Variants in LRMDA observed in about 807,000 individuals in gnomAD.
The protein encoded by LRMDA is leucine-rich melanocyte differentiation-associated protein.
LRMDA carries 18 observed loss-of-function variants against 29.8 expected under a neutral mutation model. The ratio of observed to expected loss-of-function variants is 0.60; its 90% CI spans 0.42 to 0.90. LRMDA has a LOEUF of 0.90. Ranked by LOEUF, LRMDA falls within the 40% of genes least tolerant of loss-of-function variation. LRMDA has a pLI of 0.00. For synonymous variants in LRMDA, 125 were observed against 109.4 expected (o/e 1.14, Z -0.89); for missense variants, 273 against 273.9 (o/e 1.00, Z 0.02).
chr10:75,472,715 A>G (rs1229156299), intron 2 of LRMDA, among the ~76,000 whole-genome samples: 4 of 152,228 alleles, frequency 2.6e-5, no homozygotes, highest in African/African-American at 9.6e-5. Flanking sequence ...TTCATTTCAA[A>G]GAGTGATCTC....
At chr10:75,612,440 T>C (rs1589135210) in intron 2 of LRMDA, among the ~76,000 whole-genome samples, 2 of 152,250 alleles carry the variant, frequency 1.3e-5, no homozygotes, top group South Asian at 4.1e-4. Flanking sequence ...CTATAATACT[T>C]GAATGATCTT....
In LRMDA at chr10:75,503,934, A is replaced by T. The variant is rs191872944; in HGVS notation, c.131+65440A>T. ...AGCCACATACCAGATAATAAGGGGTATTAATGAAGCATAAGGAATTGAAGA... is the reference window on the plus strand; with the variant it reads ...AGCCACATACCAGATAATAAGGGGTTTTAATGAAGCATAAGGAATTGAAGA... On this transcript the variant is annotated intron_variant, in intron 2 of 6. Coordinates refer to ENST00000611255, the MANE Select transcript of LRMDA (RefSeq NM_001305581.2). Among the ~76,000 whole-genome samples, 104 of 152,138 alleles carry T rather than the reference A, an allele frequency of 6.8e-4. 1 individual carries two copies. The highest frequency in any genetic ancestry group is 2.5e-3 in the African/African-American group (102 of 41,502).
At chr10:76,269,112 G>A (rs533881939) in intron 5 of LRMDA, among the ~76,000 whole-genome samples, 70 of 152,192 alleles carry the variant, frequency 4.6e-4, no homozygotes, top group Non-Finnish European at 6.5e-4. Context: ...CGGGGTCGTA[G>A]TTCATGGGCC....
intron 6 of LRMDA, among the ~76,000 whole-genome samples, chr10:76,327,938 A>G (rs1840856518): frequency 6.6e-6 from 1 of 152,194 alleles, no homozygotes; most frequent in East Asian, 1.9e-4. Context: ...TGGCGGTTTG[A>G]CGGTAGGGAA....
intron 2 of LRMDA, among the ~76,000 whole-genome samples, chr10:75,572,339 CTT>C (rs1257556868): frequency 1.4e-5 from 2 of 145,828 alleles, no homozygotes; most frequent in African/African-American, 2.5e-5. Flanking sequence ...TCTTTTTCAG[CTT>C]TTTTTTTTTT....
At chr10:75,631,636 C>T (rs138510704) in intron 2 of LRMDA, among the ~76,000 whole-genome samples, 223 of 152,196 alleles carry the variant, frequency 1.5e-3, no homozygotes, top group African/African-American at 4.9e-3. Context: ...CCTCTCCTGA[C>T]TTTGATTTCT....
At chr10:76,290,712 GCC>G (rs1840330042) in intron 5 of LRMDA, among the ~76,000 whole-genome samples, 1 of 152,134 alleles carries the variant, frequency 6.6e-6, no homozygotes, top group Non-Finnish European at 1.5e-5. Context: ...CTGAGCCACT[GCC>G]CTCAGACTCT....
intron 6 of LRMDA, among the ~76,000 whole-genome samples, chr10:76,519,056 C>T (rs1391426981): frequency 6.6e-6 from 1 of 152,062 alleles, no homozygotes; most frequent in Non-Finnish European, 1.5e-5. Flanking sequence ...CATGTGTAAT[C>T]CCAGCACTTT....
intron 6 of LRMDA, among the ~76,000 whole-genome samples, chr10:76,546,152 T>C (rs1843418807): frequency 6.6e-6 from 1 of 152,240 alleles, no homozygotes; most frequent in Non-Finnish European, 1.5e-5. Context: ...CTGAGATCTT[T>C]TCATCTATTC....
intron 2 of LRMDA, among the ~76,000 whole-genome samples, chr10:75,770,236 A>G (rs1344720529): frequency 1.3e-5 from 2 of 152,176 alleles, no homozygotes; most frequent in East Asian, 3.9e-4. Context: ...GGTGGCATTG[A>G]GTTCTGATCT....
intron 2 of LRMDA, among the ~76,000 whole-genome samples, chr10:75,707,913 C>T (rs892823756): frequency 6.6e-6 from 1 of 152,158 alleles, no homozygotes; most frequent in African/African-American, 2.4e-5. Context: ...ACTTTGCTGC[C>T]TCTCGGTCAG....
intron 1 of LRMDA, among the ~76,000 whole-genome samples, chr10:75,432,146 T>C (rs1243209425): frequency 6.6e-6 from 1 of 152,260 alleles, no homozygotes; most frequent in Admixed American, 6.5e-5. Context: ...ATAAATCACA[T>C]TGATATAGTC....
intron 2 of LRMDA, among the ~76,000 whole-genome samples, chr10:75,952,533 T>G (rs1376343293): frequency 6.6e-6 from 1 of 152,122 alleles, no homozygotes; most frequent in Non-Finnish European, 1.5e-5. Context: ...CAAAGAATAT[T>G]GGAACGATTT....
chr10:75,572,919 GA>G (rs1840455383), intron 2 of LRMDA, among the ~76,000 whole-genome samples: 1 of 152,190 alleles, frequency 6.6e-6, no homozygotes, highest in Non-Finnish European at 1.5e-5. Flanking sequence ...AAGGCCATGT[GA>G]GGACACAGCA....
chr10:76,273,356 A>G (rs563518460), intron 5 of LRMDA, among the ~76,000 whole-genome samples: 1 of 152,294 alleles, frequency 6.6e-6, no homozygotes, highest in African/African-American at 2.4e-5. Context: ...ATGACTTTAA[A>G]GTTTAAAAAC....
intron 5 of LRMDA, among the ~76,000 whole-genome samples, chr10:76,290,102 G>A (rs1383987975): frequency 1.3e-5 from 2 of 152,208 alleles, no homozygotes; most frequent in East Asian, 3.9e-4. Flanking sequence ...TGCCTACTTT[G>A]GCAGAATGAG....
At chr10:75,754,624 T>G (rs1843008410) in intron 2 of LRMDA, among the ~76,000 whole-genome samples, 1 of 152,248 alleles carries the variant, frequency 6.6e-6, no homozygotes, top group African/African-American at 2.4e-5. Flanking sequence ...TAATGACTTT[T>G]CTGTATTGAG....
intron 5 of LRMDA, among the ~76,000 whole-genome samples, chr10:76,070,531 G>A (rs540851835): frequency 1.3e-5 from 2 of 152,250 alleles, no homozygotes; most frequent in East Asian, 1.9e-4. Context: ...TTGGATTAGG[G>A]TCTCATTTAA....
At chr10:75,698,982 C>G (rs188285772) in intron 2 of LRMDA, among the ~76,000 whole-genome samples, 1 of 152,214 alleles carries the variant, frequency 6.6e-6, no homozygotes, top group East Asian at 1.9e-4. Flanking sequence ...GGGTGGATCA[C>G]CTGAGGTCAG....
Sources: gnomAD v4.1 joint callset for allele counts (sites outside exome capture counted in the v4.1 genomes callset) on GRCh38, gnomAD v4.1.1 for gene constraint, MANE v1.5 for transcripts, NCBI Gene and HGNC (gene_info 2026-07-23, HGNC 2026-07-21) for gene names.